Variants in NUBPL observed in about 807,000 individuals in gnomAD.
NUBPL encodes NUBP iron-sulfur cluster assembly factor, mitochondrial, also known as iron-sulfur cluster transfer protein NUBPL.
Under a neutral mutation model 45.7 loss-of-function variants are expected in NUBPL, and 31 were observed. The observed-to-expected ratio is 0.68, with a 90% CI of 0.51 to 0.92. NUBPL has a LOEUF of 0.92. Ranked by LOEUF, NUBPL falls within the 40% of genes least tolerant of loss-of-function variation. The pLI is 0.00. For synonymous variants in NUBPL, 144 were observed against 140.9 expected (o/e 1.02, Z -0.15); for missense variants, 401 against 398.7 (o/e 1.01, Z -0.05).
At chr14:31,705,968 G>A (rs961984885) in intron 6 of NUBPL, among the ~76,000 whole-genome samples, 3 of 152,082 alleles carry the variant, frequency 2.0e-5, no homozygotes, top group South Asian at 2.1e-4. Context: ...GCTCCCACCC[G>A]TGCCTCTCCC....
At chr14:31,803,931 G>A (rs4981913) in intron 7 of NUBPL, among the ~76,000 whole-genome samples, 1 of 152,084 alleles carries the variant, frequency 6.6e-6, no homozygotes, top group African/African-American at 2.4e-5. Context: ...CCTTCCTTTC[G>A]TTTCTTTCTT....
chr14:31,705,687 C>G (rs1681762471), intron 6 of NUBPL, among the ~76,000 whole-genome samples: 1 of 151,984 alleles, frequency 6.6e-6, no homozygotes, highest in East Asian at 1.9e-4. Flanking sequence ...TAGCTAGACA[C>G]AGAGTGCTGA....
intron 4 of NUBPL, among the ~76,000 whole-genome samples, chr14:31,602,170 A>T (rs1332399053): frequency 6.6e-6 from 1 of 151,922 alleles, no homozygotes; most frequent in East Asian, 1.9e-4. Context: ...GTTCTCACTC[A>T]TAGGTGGGAA....
At chr14:31,727,880 T>C (rs1304512213) in intron 6 of NUBPL, among the ~76,000 whole-genome samples, 1 of 152,244 alleles carries the variant, frequency 6.6e-6, no homozygotes, top group Non-Finnish European at 1.5e-5. Flanking sequence ...ATGGTCCTGA[T>C]TTAAGTATAA....
intron 7 of NUBPL, among the ~76,000 whole-genome samples, chr14:31,793,841 A>ATT (rs1217047489): frequency 3.1e-5 from 2 of 64,352 alleles, no homozygotes; most frequent in South Asian, 8.1e-4. Context: ...TTTTTTTTTT[A>ATT]TTTTTTTTTT....
chr14:31,711,023 G>A (rs555540776), intron 6 of NUBPL, among the ~76,000 whole-genome samples: 1 of 152,322 alleles, frequency 6.6e-6, no homozygotes, highest in South Asian at 2.1e-4. Context: ...GACTAACCTC[G>A]GAGAAGAGAG....
At chr14:31,608,968 C>T (rs1204017482) in intron 4 of NUBPL, among the ~76,000 whole-genome samples, 1 of 152,048 alleles carries the variant, frequency 6.6e-6, no homozygotes, top group African/African-American at 2.4e-5. Flanking sequence ...TAAATTATAT[C>T]ACCAGAGAAA....
chr14:31,790,586 T>C (rs2039361976), intron 7 of NUBPL, among the ~76,000 whole-genome samples: 1 of 152,220 alleles, frequency 6.6e-6, no homozygotes, highest in Non-Finnish European at 1.5e-5. Context: ...ATGTGGTGGC[T>C]CATGCCTGTA....
At chr14:31,821,767 A>G (rs2040021971) in intron 7 of NUBPL, among the ~76,000 whole-genome samples, 1 of 152,266 alleles carries the variant, frequency 6.6e-6, no homozygotes, top group Non-Finnish European at 1.5e-5. Context: ...CACAATAGCC[A>G]AGATTTGAAA....
chr14:31,838,534 T>A (rs1367532787), intron 8 of NUBPL, among the ~76,000 whole-genome samples: 2 of 152,096 alleles, frequency 1.3e-5, no homozygotes, highest in Non-Finnish European at 2.9e-5. Context: ...ACAAAATTAA[T>A]TTATGGTGTT....
rs889709726 is a variant in NUBPL, at chr14:31,601,391, G to A, written c.382+2012G>A. On this transcript the variant is annotated intron_variant, in intron 4 of 10. Coordinates refer to ENST00000281081, the MANE Select transcript of NUBPL (RefSeq NM_025152.3). ...ATTGATTCTTCCTACCCATGAGCAC[G>A]GAATGTTCTTCCATTTGTTTGTATC... Among the ~76,000 whole-genome samples, 123 of 152,266 alleles carry A rather than the reference G, an allele frequency of 8.1e-4. 1 individual carries two copies. Among genetic ancestry groups the A allele is most frequent in the Admixed American group, 7.8e-3 (119 of 15,300 alleles).
intron 8 of NUBPL, among the ~76,000 whole-genome samples, chr14:31,838,793 A>T (rs2040324400): frequency 6.6e-6 from 1 of 152,140 alleles, no homozygotes; most frequent in Admixed American, 6.5e-5. Context: ...ACTTGTACTA[A>T]GTCTTCAGTA....
At chr14:31,677,563 G>A (rs2036729675) in intron 6 of NUBPL, among the ~76,000 whole-genome samples, 2 of 152,348 alleles carry the variant, frequency 1.3e-5, no homozygotes, top group Middle Eastern at 3.4e-3. Flanking sequence ...ACGTGCAGAG[G>A]TACTGCCTTG....
In NUBPL at chr14:31,610,949, T is replaced by C. The variant is rs147708532; in HGVS notation, c.382+11570T>C. Among the ~76,000 whole-genome samples the C allele has an allele frequency of 2.8e-3, 419 of 152,242 alleles. 2 individuals are homozygous for C. Among genetic ancestry groups the C allele is most frequent in the African/African-American group, 9.0e-3 (375 of 41,554 alleles). ...ATACCTCAACATAATAAACAGCATG[T>C]ATGACAGACCCTCAGCTAGCATCAT... On this transcript the variant is annotated intron_variant, in intron 4 of 10. Transcript: ENST00000281081.
intron 4 of NUBPL, among the ~76,000 whole-genome samples, chr14:31,643,185 T>C (rs889274859): frequency 2.0e-5 from 3 of 152,162 alleles, no homozygotes; most frequent in African/African-American, 7.2e-5. Flanking sequence ...AAACTTCCAG[T>C]ATTATTGTTG....
rs555353011 is a variant in NUBPL, at chr14:31,715,790, C to T, written c.513+42216C>T. On this transcript the variant is annotated intron_variant, in intron 6 of 10. Coordinates refer to ENST00000281081, the MANE Select transcript of NUBPL (RefSeq NM_025152.3). ...ACTTTATAAACATTGTACACTTAGG[C>T]TACACTAAATTTATTTAAAAAATTT... Among the ~76,000 whole-genome samples, 17 of 152,224 alleles carry T rather than the reference C, an allele frequency of 1.1e-4. No individual in the cohort carries two copies. In the South Asian group the frequency reaches 2.3e-3, roughly 20 times the overall value.
At chr14:31,648,609 G>A (rs1213673158) in intron 4 of NUBPL, among the ~76,000 whole-genome samples, 1 of 152,132 alleles carries the variant, frequency 6.6e-6, no homozygotes, top group Non-Finnish European at 1.5e-5. Flanking sequence ...AATCTGCCCT[G>A]TTAGCTTTGT....
At chr14:31,823,581 A>G (rs2040052010) in intron 7 of NUBPL, among the ~76,000 whole-genome samples, 1 of 152,112 alleles carries the variant, frequency 6.6e-6, no homozygotes, top group African/African-American at 2.4e-5. Context: ...TAGGGCAGTC[A>G]AGTTGAGCAG....
intron 4 of NUBPL, among the ~76,000 whole-genome samples, chr14:31,638,990 A>G (rs1276870650): frequency 6.6e-6 from 1 of 151,642 alleles, no homozygotes; most frequent in Non-Finnish European, 1.5e-5. Flanking sequence ...ATTTGTCTAA[A>G]TTTTTTTTCA....
Sources: gnomAD v4.1 joint callset for allele counts (sites outside exome capture counted in the v4.1 genomes callset) on GRCh38, gnomAD v4.1.1 for gene constraint, MANE v1.5 for transcripts, NCBI Gene and HGNC (gene_info 2026-07-23, HGNC 2026-07-21) for gene names.